The following PFKP variants were observed in gnomAD, a reference collection of about 807,000 sequenced individuals.
PFKP encodes phosphofructokinase, platelet.
PFKP carries 101 observed loss-of-function variants against 94.3 expected under a neutral mutation model. That is an observed-to-expected ratio of 1.07 (90% CI 0.91 to 1.26). The LOEUF (loss-of-function observed/expected upper bound fraction) is 1.26, where lower values mean the gene tolerates loss of function less well. Among genes scored for constraint, PFKP ranks in the 50% most tolerant of loss-of-function variants. The pLI is 0.00. For synonymous variants in PFKP, 573 were observed against 432.6 expected (o/e 1.32, Z -4.03); for missense variants, 1,145 against 1,103.3 (o/e 1.04, Z -0.53).
chr10:3,105,864 G>A (rs7907949), intron 7 of PFKP, among the ~76,000 whole-genome samples: 10,937 of 152,254 alleles, frequency 0.072, 466 homozygotes, highest in Non-Finnish European at 0.095. Flanking sequence ...AATAGAAAGC[G>A]AGTCCATTGA....
chr10:3,102,275 T>TAAAAAAAAAA (rs1450407068), intron 4 of PFKP, among the ~76,000 whole-genome samples: 1 of 110,452 alleles, frequency 9.1e-6, no homozygotes, highest in Non-Finnish European at 2.0e-5. Flanking sequence ...AAAAAAAAAC[T>TAAAAAAAAAA]GAAGTTGCCA....
At chr10:3,133,366 AAAAGATTAGTGTCTTATTTT>A (rs1263232857) in intron 19 of PFKP, 52 bp downstream of exon 19, 1 of 1,126,672 alleles carries the variant, frequency 8.9e-7, no homozygotes, top group Non-Finnish European at 1.4e-6. Flanking sequence ...TGTGACTTTT[AAAAGATTAGTGTCTTATTTT>A]AGCCATTGTG....
chr10:3,117,602 T>G (rs1836964938), intron 14 of PFKP, among the ~76,000 whole-genome samples: 2 of 152,148 alleles, frequency 1.3e-5, no homozygotes, highest in Admixed American at 1.3e-4. Flanking sequence ...ACTGGTGGGA[T>G]GGTGGGAGCC....
intron 1 of PFKP, among the ~76,000 whole-genome samples, chr10:3,081,608 G>A (rs1478585404): frequency 6.6e-6 from 1 of 152,216 alleles, no homozygotes; most frequent in African/African-American, 2.4e-5. Flanking sequence ...AGCCACGACA[G>A]CAAGACAGAC....
chr10:3,134,977 T>C (rs889093904), intron 20 of PFKP, among the ~76,000 whole-genome samples: 30 of 152,198 alleles, frequency 2.0e-4, no homozygotes, highest in Non-Finnish European at 2.9e-4. Flanking sequence ...AAGATCTGAC[T>C]GCTGAATGAA....
chr10:3,111,167 G>T (rs1032205937), intron 10 of PFKP, among the ~76,000 whole-genome samples: 1 of 151,666 alleles, frequency 6.6e-6, no homozygotes, highest in African/African-American at 2.4e-5. Flanking sequence ...TGTTTATATG[G>T]ATGTGTGTGT....
intron 21 of PFKP, 57 bp from the exon 22 acceptor site, chr10:3,136,387 CAGGCGG>C: frequency 6.3e-7 from 1 of 1,580,274 alleles, no homozygotes; most frequent in Non-Finnish European, 8.7e-7. Context: ...CTGTGCTGGC[CAGGCGG>C]AGGCATCTCC....
At chr10:3,102,015 G>T (rs927828521) in intron 4 of PFKP, among the ~76,000 whole-genome samples, 4 of 150,642 alleles carry the variant, frequency 2.7e-5, no homozygotes, top group African/African-American at 4.8e-5. Flanking sequence ...ACTTTGGGAG[G>T]CCGAGGCGGG....
At chr10:3,108,057 G>A (rs1835810760) in intron 8 of PFKP, 12 of 1,254,168 alleles carry the variant, frequency 9.6e-6, no homozygotes, top group East Asian at 5.6e-5. Flanking sequence ...ATGGACACCT[G>A]GGAAAGACAT....
chr10:3,082,210 C>T (rs74113347), intron 1 of PFKP, among the ~76,000 whole-genome samples, 178 bp from the exon 2 acceptor site: 8,185 of 151,952 alleles, frequency 0.054, 740 homozygotes, highest in African/African-American at 0.19. Flanking sequence ...CCTTGCGTTA[C>T]GTTGGCTGTT....
At chr10:3,111,779 C>G (rs934952472) in intron 10 of PFKP, among the ~76,000 whole-genome samples, 3 of 152,136 alleles carry the variant, frequency 2.0e-5, no homozygotes, top group Non-Finnish European at 4.4e-5. Context: ...CTCCCCCGCC[C>G]GCTGTGACCT....
At chr10:3,117,271 C>T (rs1045888254) in intron 14 of PFKP, among the ~76,000 whole-genome samples, 5 of 152,160 alleles carry the variant, frequency 3.3e-5, no homozygotes, top group African/African-American at 1.2e-4. Flanking sequence ...CTCAGATTTC[C>T]ACAGCCGAGG....
chr10:3,072,536 G>A (rs1832275117), intron 1 of PFKP, among the ~76,000 whole-genome samples: 1 of 149,482 alleles, frequency 6.7e-6, no homozygotes, highest in Non-Finnish European at 1.5e-5. Flanking sequence ...GAGGCAGTGT[G>A]TTGGAATGAT....
chr10:3,105,140 G>C lies in PFKP; in HGVS notation c.646G>C (p.Val216Leu). 1 of 1,613,990 alleles carries C rather than the reference G, an allele frequency of 6.2e-7. No individual in the cohort carries two copies. Residue 216 changes from valine (V) to leucine (L), a missense_variant, in exon 6 of 22, where the codon GTG becomes CTG. By Grantham distance (32) the Val-to-Leu change is conservative (BLOSUM62 1). Coordinates refer to ENST00000381125, the MANE Select transcript of PFKP (RefSeq NM_002627.5). ...CCACCAGAGGACCTTCGTTCTGGAG[G>C]TGATGGGACGACACTGTGGGTACGT... Reference protein sequence around the residue: ...QSHQRTFVLEVMGRHCGYLAL... With the variant: ...QSHQRTFVLELMGRHCGYLAL...
chr10:3,122,047 G>A (rs941489600), intron 16 of PFKP, among the ~76,000 whole-genome samples: 6 of 146,050 alleles, frequency 4.1e-5, no homozygotes, highest in Admixed American at 1.4e-4. Flanking sequence ...GTCTCAAAAC[G>A]TCTGGGCTCA....
Position 3,120,041 on chromosome 10 carries a change from C to T in PFKP, c.1680C>T (p.Thr560=), listed in dbSNP as rs748754476. 3.0e-5 allele frequency: 48 copies of T among 1,613,828 alleles called. No individual in the cohort carries two copies. Among genetic ancestry groups the T allele is most frequent in the Middle Eastern group, 1.6e-4 (1 of 6,084 alleles). ...IGADTALNTI[T]DTCDRIKQSA... ...CAGACACCGCCCTGAACACTATCAC[C>T]GACGTAAGTCCGTGTGCGCCCTGCC... Residue 560 remains threonine, a synonymous_variant, in exon 16 of 22, where the codon ACC becomes ACT. Coordinates refer to ENST00000381125, the MANE Select transcript of PFKP (RefSeq NM_002627.5).
intron 1 of PFKP, among the ~76,000 whole-genome samples, chr10:3,073,222 G>A (rs1832332135): frequency 1.3e-5 from 2 of 151,894 alleles, no homozygotes; most frequent in African/African-American, 4.8e-5. Context: ...TGCTGAGATA[G>A]GGTCTTGATG....
At chr10:3,101,339 G>A (rs1346434821) in intron 3 of PFKP, 26 bp from the exon 4 acceptor site, 2 of 1,555,070 alleles carry the variant, frequency 1.3e-6, no homozygotes, top group South Asian at 2.4e-5. Flanking sequence ...ACTGAGAGGA[G>A]ATAAATTAGC....
intron 4 of PFKP, among the ~76,000 whole-genome samples, chr10:3,102,205 C>A (rs1333437576): frequency 3.0e-5 from 4 of 133,066 alleles, no homozygotes; most frequent in Non-Finnish European, 4.8e-5. Flanking sequence ...GAGCCGAGGT[C>A]CCGCCACTGC....
Sources: gnomAD v4.1 joint callset for allele counts (sites outside exome capture counted in the v4.1 genomes callset) on GRCh38, gnomAD v4.1.1 for gene constraint, MANE v1.5 for transcripts, NCBI Gene and HGNC (gene_info 2026-07-23, HGNC 2026-07-21) for gene names.